PTPN1: variants seen among roughly 807,000 people sequenced by gnomAD.
The protein encoded by PTPN1 is tyrosine-protein phosphatase non-receptor type 1.
Under a neutral mutation model 59.9 loss-of-function variants are expected in PTPN1, and 12 were observed. That is an observed-to-expected ratio of 0.20 (90% CI 0.13 to 0.32). PTPN1 has a LOEUF of 0.32. Ranked by LOEUF, PTPN1 falls within the 10% of genes least tolerant of loss-of-function variation. PTPN1 has a pLI of 1.00. For synonymous variants in PTPN1, 178 were observed against 203.6 expected, an observed-to-expected ratio of 0.87 and a Z score of 1.07; for missense variants, 356 against 549.2, an observed-to-expected ratio of 0.65 and a Z score of 3.52.
chr20:50,574,290 G>A (rs1212719857), intron 4 of PTPN1: 6 of 481,736 alleles, frequency 1.2e-5, no homozygotes, highest in African/African-American at 8.2e-5. Context: ...GGGAGCCGAT[G>A]GGTTTGGAAG....
At chr20:50,521,600 G>C (rs1004668101) in intron 1 of PTPN1, among the ~76,000 whole-genome samples, 1 of 152,218 alleles carries the variant, frequency 6.6e-6, no homozygotes, top group African/African-American at 2.4e-5. Flanking sequence ...TAGGACATAG[G>C]AGGAGAGAGT....
At chr20:50,539,224 A>G (rs1348337982) in intron 1 of PTPN1, among the ~76,000 whole-genome samples, 5 of 106,192 alleles carry the variant, frequency 4.7e-5, no homozygotes, top group East Asian at 2.3e-4. Flanking sequence ...TAGTAGAGAC[A>G]AGGTTTCTTC....
At chr20:50,575,347 G>A (rs2082830964) in intron 5 of PTPN1, among the ~76,000 whole-genome samples, 1 of 152,160 alleles carries the variant, frequency 6.6e-6, no homozygotes, top group South Asian at 2.1e-4. Context: ...AACTGGGGTC[G>A]AATCCTGGCC....
chr20:50,528,102 G>C (rs1295253138), intron 1 of PTPN1, among the ~76,000 whole-genome samples: 1 of 152,090 alleles, frequency 6.6e-6, no homozygotes, highest in African/African-American at 2.4e-5. Context: ...CCTCTGCCTG[G>C]AATATCCTAC....
At chr20:50,532,559 C>T (rs556754643) in intron 1 of PTPN1, among the ~76,000 whole-genome samples, 4 of 152,070 alleles carry the variant, frequency 2.6e-5, no homozygotes, top group Admixed American at 6.6e-5. Flanking sequence ...CAAATGAGTC[C>T]GTAGAACCTA....
At chr20:50,535,963 A>G (rs1221309641) in intron 1 of PTPN1, among the ~76,000 whole-genome samples, 2 of 152,220 alleles carry the variant, frequency 1.3e-5, no homozygotes, top group Non-Finnish European at 2.9e-5. Context: ...AAAGGGAGGT[A>G]TCAGTTGAAA....
At chr20:50,532,678 TATGAATAAAAAACATTCTGGGCTCC>T (rs1219729568) in intron 1 of PTPN1, among the ~76,000 whole-genome samples, 1 of 152,208 alleles carries the variant, frequency 6.6e-6, no homozygotes, top group Non-Finnish European at 1.5e-5. Context: ...ATAATGATTG[TATGAATAAAAAACATTCTGGGCTCC>T]ATGTGGATGA....
At chr20:50,539,155 C>T (rs2082637678) in intron 1 of PTPN1, among the ~76,000 whole-genome samples, 1 of 151,704 alleles carries the variant, frequency 6.6e-6, no homozygotes, top group African/African-American at 2.4e-5. Context: ...CCTGCCTCAG[C>T]CTCCTGAGTA....
intron 1 of PTPN1, among the ~76,000 whole-genome samples, chr20:50,551,987 A>G (rs1247807901): frequency 5.9e-5 from 9 of 152,340 alleles, no homozygotes; most frequent in Middle Eastern, 3.4e-3. Context: ...ATCTTTGGTT[A>G]GCATAATAAA....
intron 2 of PTPN1, among the ~76,000 whole-genome samples, chr20:50,562,461 G>T (rs2122778857): frequency 6.6e-6 from 1 of 152,334 alleles, no homozygotes. Context: ...GCCTGGTTTT[G>T]TGTGTCAGCT....
intron 5 of PTPN1, 96 bp from the exon 6 acceptor site, chr20:50,578,324 G>T: frequency 1.0e-6 from 1 of 983,200 alleles, no homozygotes; most frequent in Non-Finnish European, 1.5e-6. Flanking sequence ...TCCTCTTAGA[G>T]GTAGAGAGTG....
chr20:50,553,596 C>G (rs2082712939), intron 1 of PTPN1, among the ~76,000 whole-genome samples: 1 of 152,132 alleles, frequency 6.6e-6, no homozygotes, highest in African/African-American at 2.4e-5. Context: ...TTGGTAGAAA[C>G]ATTCAACCGA....
intron 1 of PTPN1, among the ~76,000 whole-genome samples, chr20:50,542,189 A>G (rs1242604350): frequency 6.6e-6 from 1 of 152,358 alleles, no homozygotes; most frequent in Non-Finnish European, 1.5e-5. Flanking sequence ...TATTGCCTTA[A>G]TATACCTAGG....
Position 50,568,594 on chromosome 20 carries a change from AT to A in PTPN1, c.354+121del. On this transcript the variant is annotated intron_variant, in intron 4 of 9. Coordinates refer to ENST00000371621, the MANE Select transcript of PTPN1 (RefSeq NM_002827.4). This position sits in a 1 kb window ranked among gnomAD's most constrained non-coding sequence, Gnocchi z 5.6. ...TGCCTTTGTATTTCCTTTACGTAGTATTTTTATTTAAAAAAATTAAAACAGC... is the reference window on the plus strand; with the variant it reads ...TGCCTTTGTATTTCCTTTACGTAGTATTTTATTTAAAAAAATTAAAACAGC... The A allele has an allele frequency of 3.8e-6, 3 of 799,284 alleles. No individual in the cohort carries two copies. The highest frequency in any genetic ancestry group is 6.0e-6 in the Non-Finnish European group (3 of 495,944). 49.5% of individuals were successfully genotyped at this position (799,284 alleles called of 1,614,324 possible).
intron 6 of PTPN1, 63 bp downstream of exon 6, chr20:50,578,692 C>G: frequency 2.1e-6 from 3 of 1,416,250 alleles, no homozygotes; most frequent in Non-Finnish European, 2.9e-6. Context: ...GATGTTTTTT[C>G]CTAAGTAGAA....
intron 1 of PTPN1, among the ~76,000 whole-genome samples, chr20:50,532,101 TGCC>T (rs2082604012): frequency 6.6e-6 from 1 of 152,228 alleles, no homozygotes; most frequent in Non-Finnish European, 1.5e-5. Flanking sequence ...AACCTACCAA[TGCC>T]AGTTGAAGAG....
At position 50,554,380 on chromosome 20, in the gene PTPN1, ATCTC is replaced by A. The variant is rs1555829975; in HGVS notation, c.64-6958_64-6955del. On this transcript the variant is annotated intron_variant, in intron 1 of 9. Coordinates refer to ENST00000371621, the MANE Select transcript of PTPN1 (RefSeq NM_002827.4). Reference sequence around the variant, plus strand: ...CCAGCCTAGGCAACAGCAAGACCACATCTCTCTCTCTCTCTCTCTCTCTCTCTCA... The same window carrying A: ...CCAGCCTAGGCAACAGCAAGACCACATCTCTCTCTCTCTCTCTCTCTCTCA... Among the ~76,000 whole-genome samples the A allele has an allele frequency of 1.5e-3, 217 of 140,258 alleles. 2 individuals carry two copies. Among genetic ancestry groups the A allele is most frequent in the East Asian group, 9.7e-3 (45 of 4,626 alleles). 92.0% of individuals were successfully genotyped at this position (140,258 alleles called of 152,430 possible). A position where few individuals can be genotyped will look rare whatever the true frequency, so the allele number is the denominator to read the frequency against.
chr20:50,510,424 G>T lies in PTPN1; in HGVS notation c.-104G>T, dbSNP rs1398556848. 120 of 1,299,396 alleles carry T rather than the reference G, an allele frequency of 9.2e-5. No individual in the cohort carries two copies. The highest frequency in any genetic ancestry group is 1.2e-5 in the Non-Finnish European group (11 of 941,984). 80.5% of individuals were successfully genotyped at this position (1,299,396 alleles called of 1,614,324 possible). A position where few individuals can be genotyped will look rare whatever the true frequency, so the allele number is the denominator to read the frequency against. The stretch of plus-strand genomic sequence containing the variant: ...GGCTAGGGCGGCGGTAGCTGCAGGG[G>T]TCGGGGATTGCAGCGGGCCTCGGGG... On this transcript the variant is annotated 5_prime_UTR_variant, in exon 1 of 10. Transcript: ENST00000371621.
rs1293719316 is a variant in PTPN1 at position 50,560,635 on chromosome 20, G to C, written c.64-728G>C. ...TGTCTTTTTTTTTTTTTTTAATTTT[G>C]GTAAAACATACAAAACATAAAGTGT... On this transcript the variant is annotated intron_variant, in intron 1 of 9. Coordinates refer to ENST00000371621, the MANE Select transcript of PTPN1 (RefSeq NM_002827.4). Among the ~76,000 whole-genome samples the C allele has an allele frequency of 2.0e-5, 3 of 146,668 alleles. No individual in the cohort carries two copies. In the East Asian group the frequency reaches 6.0e-4, roughly 29 times the overall value.
Sources: gnomAD v4.1 joint callset for allele counts (sites outside exome capture counted in the v4.1 genomes callset) on GRCh38, gnomAD v4.1.1 for gene constraint, Gnocchi (gnomAD v3.1) non-coding constraint, MANE v1.5 for transcripts, NCBI Gene and HGNC (gene_info 2026-07-23, HGNC 2026-07-21) for gene names.